BCAR1: variants seen among roughly 807,000 people sequenced by gnomAD.
BCAR1 encodes BCAR1 scaffold protein, Cas family member.
In BCAR1, 30 loss-of-function variants were observed where a neutral mutation model predicts 67.6. The observed-to-expected ratio is 0.44, with a 90% CI of 0.33 to 0.60. The LOEUF is 0.60. BCAR1 is among the 20% of genes least tolerant of loss of function. BCAR1 has a pLI of 0.02. For missense variants in BCAR1, 1,313 were observed against 1,222.3 expected, an observed-to-expected ratio of 1.07 and a Z score of -1.11; for synonymous variants, 626 against 556.7, an observed-to-expected ratio of 1.12 and a Z score of -1.75.
At chr16:75,259,918 G>A (rs2077864630) in intron 1 of BCAR1, among the ~76,000 whole-genome samples, 1 of 151,836 alleles carries the variant, frequency 6.6e-6, no homozygotes, top group Non-Finnish European at 1.5e-5. Context: ...ACCTGGCCTG[G>A]CTCAGTGGCC....
Position 75,237,003 on chromosome 16 carries a change from G to T in BCAR1, c.796-5C>A, listed in dbSNP as rs902282959. Reference sequence around the variant, plus strand: ...CATGGGGGGTGTGTCATACACCTGGGGCAGAAACAGTGCAGGGTTAACGGC... The same window carrying T: ...CATGGGGGGTGTGTCATACACCTGGTGCAGAAACAGTGCAGGGTTAACGGC... On this transcript the variant is annotated splice_region_variant and splice_polypyrimidine_tract_variant and intron_variant, in intron 3 of 6. Transcript: ENST00000162330. The T allele has an allele frequency of 1.3e-6, 2 of 1,593,336 alleles. No homozygotes were observed. The highest frequency in any genetic ancestry group is 2.7e-5 in the African/African-American group (2 of 74,598).
At chr16:75,263,753 C>G (rs919284433) in intron 1 of BCAR1, 1 of 985,962 alleles carries the variant, frequency 1.0e-6, no homozygotes, top group Admixed American at 6.1e-5. Context: ...TGCTTAAAAC[C>G]CAGACGTGTC....
chr16:75,251,199 C>T (rs908856347), intron 1 of BCAR1, among the ~76,000 whole-genome samples: 3 of 152,036 alleles, frequency 2.0e-5, no homozygotes, highest in African/African-American at 7.2e-5. Context: ...CGGGCCCCGC[C>T]AGCCACTTTC....
At position 75,235,127 on chromosome 16, in the gene BCAR1, T is replaced by C. The variant is rs142531271; in HGVS notation, c.1772A>G (p.Lys591Arg). Residue 591 changes from lysine to arginine, a missense_variant, in exon 5 of 7, where the codon AAG becomes AGG. Lys to Arg is a conservative substitution (Grantham distance 26, BLOSUM62 2). This residue lies in a region of BCAR1 where 1,272 missense variants were observed against 1,137.5 expected (regional missense o/e 1.12). Coordinates refer to ENST00000162330, the MANE Select transcript of BCAR1 (RefSeq NM_014567.5). ...ACSRAVPEDA[K>R]QLASFLHGNA... The stretch of plus-strand genomic sequence containing the variant: ...GCCGTGCAGGAAGGAGGCCAGCTGC[T>C]TGGCGTCCTCGGGCACAGCCCGCGA... 65 of 1,610,262 alleles carry C rather than the reference T, an allele frequency of 4.0e-5. No individual in the cohort carries two copies. The highest frequency in any genetic ancestry group is 5.3e-5 in the Non-Finnish European group (62 of 1,179,978).
rs376571253 is a variant in BCAR1 at position 75,230,007 on chromosome 16, C to G, written c.2117G>C (p.Arg706Pro). 6.5e-7 allele frequency: 1 copy of G among 1,538,002 alleles called. No individual in the cohort carries two copies. The highest frequency in any genetic ancestry group is 8.8e-7 in the Non-Finnish European group (1 of 1,140,590). The change falls in exon 7 of 7, where the codon CGA becomes CCA. Residue 706 changes from arginine to proline, a missense_variant. By Grantham distance (103) the Arg-to-Pro change is moderately radical (BLOSUM62 -2). Transcript: ENST00000162330. ...LELQQLKQFE[R>P]LEQEVSRPID... ...GGGCCGTGACACCTCCTGTTCCAGTCGTTCAAACTGCTTCAGCTGGGGCAG... is the reference window on the plus strand; with the variant it reads ...GGGCCGTGACACCTCCTGTTCCAGTGGTTCAAACTGCTTCAGCTGGGGCAG...
At position 75,236,925 on chromosome 16, in the gene BCAR1, G is replaced by A. The variant is rs758520470; in HGVS notation, c.869C>T (p.Pro290Leu). Residue 290 changes from proline to leucine, a missense_variant, in exon 4 of 7, where the codon CCC becomes CTC. Pro to Leu is a moderately conservative substitution (Grantham distance 98). Coordinates refer to ENST00000162330, the MANE Select transcript of BCAR1 (RefSeq NM_014567.5). ...TGGCAGGCCCTTCTCCACACTGGGG[G>A]GCACGTCATACACCTCCAGCAACGG... is the stretch of plus-strand genomic sequence containing the variant. Reference protein sequence around the residue: ...RDPLLEVYDVPPSVEKGLPPS... With the variant: ...RDPLLEVYDVLPSVEKGLPPS... The A allele has an allele frequency of 6.8e-6, 11 of 1,612,880 alleles. No homozygotes were observed. The highest frequency in any genetic ancestry group is 2.2e-5 in the South Asian group (2 of 90,834).
chr16:75,232,631 G>A (rs903485219), intron 6 of BCAR1, among the ~76,000 whole-genome samples: 6 of 152,168 alleles, frequency 3.9e-5, no homozygotes, highest in African/African-American at 1.4e-4. Context: ...AGGGGTGCAG[G>A]TGCAGTTTTG....
chr16:75,267,966 A>G (rs573522100), exon 1 of BCAR1: 3 of 1,598,806 alleles, frequency 1.9e-6, no homozygotes, highest in Non-Finnish European at 2.6e-6. Flanking sequence ...GAGGAGCCTC[A>G]CCAGGGCAGT....
intron 1 of BCAR1, among the ~76,000 whole-genome samples, chr16:75,260,310 C>T (rs146545936): frequency 1.9e-3 from 289 of 152,184 alleles, no homozygotes; most frequent in African/African-American, 5.9e-3. Context: ...TATTTTGATT[C>T]GATTGATGGC....
rs545606979 is a variant in BCAR1 at position 75,257,325 on chromosome 16, C to G, written c.66+10590G>C. 3.3e-5 allele frequency among the ~76,000 whole-genome samples: 5 copies of G among 152,306 alleles called. No homozygotes were observed. The East Asian group carries it at 7.7e-4, about 24-fold the overall frequency. ...GGGCCCACACTCACAGATACCCACC[C>G]GGCCACTCTGCTGGGGTCAGCAGGC... On this transcript the variant is annotated intron_variant, in intron 1 of 6. Coordinates refer to the BCAR1 transcript ENST00000393422.
chr16:75,238,838 T>G, intron 2 of BCAR1: 1 of 985,390 alleles, frequency 1.0e-6, no homozygotes, highest in Non-Finnish European at 1.2e-6. Flanking sequence ...CGTGGCAGGT[T>G]GGCTGGGCCT....
chr16:75,229,516 C>A lies in BCAR1; in HGVS notation c.2608G>T (p.Ala870Ser). 3 of 1,567,228 alleles carry A rather than the reference C, an allele frequency of 1.9e-6. No individual in the cohort carries two copies. ...FRRVLGQLAAA is the reference protein window; with the variant it reads ...FRRVLGQLAAS The stretch of plus-strand genomic sequence containing the variant: ...CCCTCCTGGGGTCACCACCCTCAGG[C>A]GGCTGCCAGCTGGCCTAGGACGCGG... The change falls in exon 7 of 7, where the codon GCC (alanine) becomes TCC (serine). Residue 870 changes from alanine to serine, a missense_variant. By Grantham distance (99) the Ala-to-Ser change is moderately conservative. Transcript: ENST00000162330.
chr16:75,234,472 G>A (rs1296783225), intron 5 of BCAR1, among the ~76,000 whole-genome samples: 1 of 152,134 alleles, frequency 6.6e-6, no homozygotes, highest in Non-Finnish European at 1.5e-5. Context: ...TGCCTCTCTG[G>A]CCCAGCTCAG....
In BCAR1 at chr16:75,229,487, G is replaced by A. The variant is rs1246404169; in HGVS notation, c.*24C>T. 21 of 1,512,458 alleles carry A rather than the reference G, an allele frequency of 1.4e-5. No individual in the cohort carries two copies. Among genetic ancestry groups the A allele is most frequent in the East Asian group, 2.4e-5 (1 of 41,998 alleles). 93.7% of individuals were successfully genotyped at this position (1,512,458 alleles called of 1,614,324 possible). Reference sequence around the variant, plus strand: ...GCTGGGACCGCCGCACCCCTCCCCTGCCTCCCTCCTGGGGTCACCACCCTC... The same window carrying A: ...GCTGGGACCGCCGCACCCCTCCCCTACCTCCCTCCTGGGGTCACCACCCTC... On this transcript the variant is annotated 3_prime_UTR_variant, in exon 7 of 7. Coordinates refer to ENST00000162330, the MANE Select transcript of BCAR1 (RefSeq NM_014567.5).
At chr16:75,250,853 GC>G in intron 1 of BCAR1, 1 of 985,466 alleles carries the variant, frequency 1.0e-6, no homozygotes, top group Non-Finnish European at 1.2e-6. Flanking sequence ...GCTTCCACCG[GC>G]GCTCGGCGTG....
chr16:75,266,140 C>T (rs73605139), intron 1 of BCAR1: 67,591 of 622,256 alleles, frequency 0.11, 4,323 homozygotes, highest in East Asian at 0.34. Flanking sequence ...CTCGCCGATC[C>T]CTCGCGGGCC....
At chr16:75,241,290 C>A (rs549179056) in intron 2 of BCAR1, among the ~76,000 whole-genome samples, 3 of 152,148 alleles carry the variant, frequency 2.0e-5, no homozygotes, top group Non-Finnish European at 4.4e-5. Flanking sequence ...CATGTATTCA[C>A]GCACATTCAT....
At chr16:75,240,749 G>C (rs1227020763) in intron 2 of BCAR1, among the ~76,000 whole-genome samples, 4 of 152,256 alleles carry the variant, frequency 2.6e-5, no homozygotes, top group Non-Finnish European at 1.5e-5. Context: ...CCAGGACACA[G>C]GGCTCTCCTT....
chr16:75,244,915 A>G (rs1001703630), intron 1 of BCAR1, among the ~76,000 whole-genome samples: 4 of 152,250 alleles, frequency 2.6e-5, no homozygotes, highest in African/African-American at 9.6e-5. Flanking sequence ...TCAGGAAGAC[A>G]CCAGAGATGT....
Sources: allele counts gnomAD v4.1 joint callset (sites outside exome capture counted in the v4.1 genomes callset), GRCh38; gene constraint gnomAD v4.1.1; regional missense constraint gnomAD v4.1.1; transcripts MANE v1.5; gene names NCBI Gene and HGNC (gene_info 2026-07-23, HGNC 2026-07-21).